The following SLC35F3 variants were observed in gnomAD, a reference collection of about 807,000 sequenced individuals.
SLC35F3 encodes the protein solute carrier family 35 member F3, also known as putative thiamine transporter SLC35F3.
A neutral mutation model predicts 49.9 loss-of-function variants in SLC35F3; 25 were observed. The observed-to-expected ratio is 0.50, with a 90% confidence interval of 0.37 to 0.70. SLC35F3 has a LOEUF of 0.70. SLC35F3 is among the 30% of genes least tolerant of loss of function. The pLI is 0.00. For synonymous variants in SLC35F3, 275 were observed against 265.4 expected (o/e 1.04, Z -0.35); for missense variants, 525 against 639.8 (o/e 0.82, Z 1.94).
chr1:234,036,204 A>AG (rs1274239062), intron 2 of SLC35F3, among the ~76,000 whole-genome samples: 1 of 152,140 alleles, frequency 6.6e-6, no homozygotes, highest in Non-Finnish European at 1.5e-5. Context: ...CTGGGACTAC[A>AG]GGTGTGCACT....
intron 2 of SLC35F3, among the ~76,000 whole-genome samples, chr1:234,114,770 A>G (rs990535962): frequency 6.6e-6 from 1 of 152,226 alleles, no homozygotes; most frequent in African/African-American, 2.4e-5. Context: ...TTCATTGTGC[A>G]GACACAAGAT....
intron 3 of SLC35F3, among the ~76,000 whole-genome samples, chr1:234,292,154 C>T (rs1668519822): frequency 6.6e-6 from 1 of 152,230 alleles, no homozygotes; most frequent in Non-Finnish European, 1.5e-5. Flanking sequence ...TATCTGCTGC[C>T]TTTTGTGCCA....
intron 2 of SLC35F3, among the ~76,000 whole-genome samples, chr1:234,172,900 C>G (rs1350591229): frequency 6.6e-6 from 1 of 152,198 alleles, no homozygotes; most frequent in Non-Finnish European, 1.5e-5. Context: ...TGATTTTCAT[C>G]TCACAGGATG....
intron 2 of SLC35F3, among the ~76,000 whole-genome samples, chr1:234,004,500 G>A (rs193039707): frequency 6.6e-6 from 1 of 152,156 alleles, no homozygotes; most frequent in East Asian, 1.9e-4. Context: ...GGTTATAATT[G>A]GGGGTGATAA....
chr1:234,285,117 C>G, intron 3 of SLC35F3: 1 of 275,096 alleles, frequency 3.6e-6, no homozygotes, highest in African/African-American at 2.3e-5. Flanking sequence ...GTCTCCTTGG[C>G]AAACAAAGAA....
At chr1:234,198,445 A>G (rs1666847702) in intron 2 of SLC35F3, among the ~76,000 whole-genome samples, 1 of 152,172 alleles carries the variant, frequency 6.6e-6, no homozygotes. Flanking sequence ...GTAGTATAGT[A>G]ATTCTGTTTA....
rs137912957 is a variant in SLC35F3, at chr1:234,198,819, G to A, written c.284-32598G>A. 1.8e-4 allele frequency among the ~76,000 whole-genome samples: 27 copies of A among 152,130 alleles called. No individual in the cohort carries two copies. In the East Asian group the frequency reaches 4.1e-3, roughly 23 times the overall value. ...AATATATAATACATTAATATTAACTGTGGTCACCATTCCCTGAATAGCCAA... is the reference window on the plus strand; with the variant it reads ...AATATATAATACATTAATATTAACTATGGTCACCATTCCCTGAATAGCCAA... On this transcript the variant is annotated intron_variant, in intron 2 of 7. Transcript: ENST00000366618.
chr1:233,990,204 A>G (rs1376613636), intron 2 of SLC35F3, among the ~76,000 whole-genome samples: 1 of 152,206 alleles, frequency 6.6e-6, no homozygotes, highest in Non-Finnish European at 1.5e-5. Flanking sequence ...AATGGACATA[A>G]TAGTATTTAT....
intron 2 of SLC35F3, among the ~76,000 whole-genome samples, chr1:234,004,628 AG>A (rs1428004036): frequency 1.3e-5 from 2 of 152,172 alleles, no homozygotes; most frequent in South Asian, 2.1e-4. Flanking sequence ...AAACTTGTAC[AG>A]AAAGAAATTA....
At chr1:234,266,660 A>G (rs535773274) in intron 3 of SLC35F3, among the ~76,000 whole-genome samples, 1 of 152,328 alleles carries the variant, frequency 6.6e-6, no homozygotes, top group East Asian at 1.9e-4. Flanking sequence ...CCTAGGCTAT[A>G]ATGGGATAGC....
Position 234,231,342 on chromosome 1 carries a change from C to T in SLC35F3, c.284-75C>T. The T allele has an allele frequency of 1.6e-6, 2 of 1,258,646 alleles. No individual in the cohort carries two copies. The highest frequency in any genetic ancestry group is 1.1e-6 in the Non-Finnish European group (1 of 936,536). The allele number at this position is 1,258,646 out of a possible 1,614,324, so 78.0% of individuals were successfully genotyped here. ...CCCAGGTAGCTGGTGGTGACAATGG[C>T]TGCAGGGCAGCGCCCTGCGAAGTGC... On this transcript the variant is annotated intron_variant, in intron 2 of 7. Coordinates refer to ENST00000366618, the MANE Select transcript of SLC35F3 (RefSeq NM_173508.4). This position sits in a 1 kb window ranked among gnomAD's most constrained non-coding sequence, Gnocchi z 5.4.
chr1:234,125,648 T>C (rs1237392294), intron 2 of SLC35F3, among the ~76,000 whole-genome samples: 1 of 152,180 alleles, frequency 6.6e-6, no homozygotes, highest in Admixed American at 6.5e-5. Flanking sequence ...TAACCCAGTC[T>C]CTGTTTCTCA....
chr1:234,223,415 C>T (rs1372985673), intron 2 of SLC35F3, among the ~76,000 whole-genome samples: 1 of 152,130 alleles, frequency 6.6e-6, no homozygotes, highest in African/African-American at 2.4e-5. Context: ...TTTTGTTCAC[C>T]TCCTGATTCT....
chr1:234,006,498 G>A (rs990708232), intron 2 of SLC35F3, among the ~76,000 whole-genome samples: 5 of 152,050 alleles, frequency 3.3e-5, no homozygotes, highest in Admixed American at 3.3e-4. Flanking sequence ...AACACCCAAT[G>A]TTTTCTCAGT....
chr1:233,969,944 G>C (rs540068548), intron 2 of SLC35F3, among the ~76,000 whole-genome samples: 1 of 152,180 alleles, frequency 6.6e-6, no homozygotes, highest in Non-Finnish European at 1.5e-5. Flanking sequence ...TCTGAGTAAG[G>C]CTCCCTTCCA....
intron 2 of SLC35F3, among the ~76,000 whole-genome samples, chr1:234,217,993 C>A (rs542185654): frequency 2.0e-4 from 30 of 152,132 alleles, no homozygotes; most frequent in Non-Finnish European, 4.1e-4. Flanking sequence ...GCAGAGAGAA[C>A]ATGGATGCTA....
At chr1:234,283,402 C>T (rs1001155135) in intron 3 of SLC35F3, among the ~76,000 whole-genome samples, 1 of 152,218 alleles carries the variant, frequency 6.6e-6, no homozygotes, top group African/African-American at 2.4e-5. Flanking sequence ...CCACAAGTAA[C>T]TAAGAATAAA....
chr1:234,235,526 C>T (rs1667451496), intron 3 of SLC35F3, among the ~76,000 whole-genome samples: 1 of 152,212 alleles, frequency 6.6e-6, no homozygotes, highest in Non-Finnish European at 1.5e-5. Context: ...AGGAATGCAG[C>T]TTTTCAGATC....
chr1:234,076,002 C>T (rs1456945112), intron 2 of SLC35F3, among the ~76,000 whole-genome samples: 3 of 140,740 alleles, frequency 2.1e-5, no homozygotes, highest in Non-Finnish European at 4.4e-5. Flanking sequence ...AGGCACAGAC[C>T]GCAGACTGTT....
Sources: gnomAD v4.1 joint callset for allele counts (sites outside exome capture counted in the v4.1 genomes callset) on GRCh38, gnomAD v4.1.1 for gene constraint, Gnocchi (gnomAD v3.1) non-coding constraint, MANE v1.5 for transcripts, NCBI Gene and HGNC (gene_info 2026-07-23, HGNC 2026-07-21) for gene names.